Variants in SLC36A1 observed in about 807,000 individuals in gnomAD.
SLC36A1 encodes proton-coupled amino acid transporter 1.
In SLC36A1, 30 loss-of-function variants were observed where a neutral mutation model predicts 47.5. The ratio of observed to expected loss-of-function variants is 0.63; its 90% CI spans 0.47 to 0.86. The LOEUF is 0.86. Ranked by LOEUF, SLC36A1 falls within the 40% of genes least tolerant of loss-of-function variation. The pLI is 0.00. For missense variants in SLC36A1, 517 were observed against 606.0 expected (o/e 0.85, Z 1.54); for synonymous variants, 255 against 249.7 (o/e 1.02, Z -0.20).
chr5:151,491,009 G>A lies in SLC36A1; in HGVS notation c.*2755G>A, dbSNP rs1760069058. On this transcript the variant is annotated 3_prime_UTR_variant, in exon 11 of 11. Coordinates refer to ENST00000243389, the MANE Select transcript of SLC36A1 (RefSeq NM_078483.4). Reference sequence around the variant, plus strand: ...TGAGGCTGCATCTGCTGGAGCAAAGGGAAACCGTGGGCTTTTCCGGCCAGA... The same window carrying A: ...TGAGGCTGCATCTGCTGGAGCAAAGAGAAACCGTGGGCTTTTCCGGCCAGA... 6.6e-6 allele frequency: 1 copy of A among 152,318 alleles called. No homozygotes were observed. Among genetic ancestry groups the A allele is most frequent in the African/African-American group, 2.4e-5 (1 of 41,442 alleles). 9.4% of individuals were successfully genotyped at this position (152,318 alleles called of 1,614,324 possible).
At chr5:151,398,893 C>G in the SLC36A1 span, among the ~76,000 whole-genome samples, 1 of 151,890 alleles carries the variant, frequency 6.6e-6, no homozygotes, top group Non-Finnish European at 1.5e-5. Flanking sequence ...ATTATGATCA[C>G]TTTATTTTGA....
At chr5:151,370,802 G>C in the SLC36A1 span, among the ~76,000 whole-genome samples, 1 of 152,062 alleles carries the variant, frequency 6.6e-6, no homozygotes, top group African/African-American at 2.4e-5. Context: ...AGACCAGCCT[G>C]GCCAACATGG....
At chr5:151,390,624 T>C in the SLC36A1 span, among the ~76,000 whole-genome samples, 1 of 152,344 alleles carries the variant, frequency 6.6e-6, no homozygotes, top group Non-Finnish European at 1.5e-5. Context: ...TTTCTACATA[T>C]GGCTAGCCAG....
At chr5:151,468,266 A>ATATATATAT (rs1554113502) in intron 7 of SLC36A1, among the ~76,000 whole-genome samples, 1 of 63,828 alleles carries the variant, frequency 1.6e-5, no homozygotes, top group Non-Finnish European at 2.6e-5. Context: ...AAAAAAAAAA[A>ATATATATAT]ATATATATAT....
chr5:151,390,431 T>A, the SLC36A1 span, among the ~76,000 whole-genome samples: 2 of 152,230 alleles, frequency 1.3e-5, no homozygotes, highest in Non-Finnish European at 2.9e-5. Flanking sequence ...TTTGTCAATT[T>A]TGGCTTTTGT....
At chr5:151,345,140 A>G in the SLC36A1 span, among the ~76,000 whole-genome samples, 3 of 152,188 alleles carry the variant, frequency 2.0e-5, no homozygotes, top group Non-Finnish European at 4.4e-5. Context: ...CGGAATTACA[A>G]AACAACCTAT....
chr5:151,458,282 G>A (rs564192958), intron 1 of SLC36A1, among the ~76,000 whole-genome samples: 128 of 141,998 alleles, frequency 9.0e-4, no homozygotes, highest in African/African-American at 3.4e-3. Context: ...ATGTGTATAC[G>A]TGTATATATA....
intron 3 of SLC36A1, among the ~76,000 whole-genome samples, 161 bp downstream of exon 3, chr5:151,463,804 A>C (rs1755943107): frequency 6.6e-6 from 1 of 152,234 alleles, no homozygotes; most frequent in Admixed American, 6.5e-5. Context: ...ACTTAAAGAT[A>C]TTTATTGAGA....
upstream of SLC36A1, among the ~76,000 whole-genome samples, chr5:151,443,371 A>C (rs550755170): frequency 6.6e-6 from 1 of 152,258 alleles, no homozygotes; most frequent in South Asian, 2.1e-4. Flanking sequence ...CCTAACATGT[A>C]TGAGGTGATA....
the SLC36A1 span, chr5:151,521,573 C>T: frequency 1.2e-6 from 2 of 1,614,190 alleles, no homozygotes; most frequent in African/African-American, 1.3e-5. Context: ...ACGGCCTCTG[C>T]AGGCTGGAGG....
chr5:151,482,015 A>G (rs1487789098), intron 10 of SLC36A1, among the ~76,000 whole-genome samples: 3 of 152,142 alleles, frequency 2.0e-5, no homozygotes, highest in South Asian at 2.1e-4. Context: ...CATGTGAAAC[A>G]TTTTACTTCA....
chr5:151,478,174 A>T (rs1758329431), intron 9 of SLC36A1, among the ~76,000 whole-genome samples: 1 of 152,358 alleles, frequency 6.6e-6, no homozygotes, highest in African/African-American at 2.4e-5. Flanking sequence ...ATTCAACCAC[A>T]GAGAAACTCA....
chr5:151,544,246 A>C, the SLC36A1 span: 1 of 1,614,220 alleles, frequency 6.2e-7, no homozygotes, highest in South Asian at 1.1e-5. Flanking sequence ...AGAAGCCAAC[A>C]GTTGGATCAC....
the SLC36A1 span, among the ~76,000 whole-genome samples, chr5:151,385,479 A>G: frequency 5.9e-5 from 9 of 152,232 alleles, no homozygotes; most frequent in African/African-American, 2.2e-4. Context: ...AATGCCTTAG[A>G]GGGCTTCCAA....
At chr5:151,363,556 C>G in the SLC36A1 span, among the ~76,000 whole-genome samples, 1 of 152,084 alleles carries the variant, frequency 6.6e-6, no homozygotes, top group East Asian at 1.9e-4. Context: ...TTCAACACCA[C>G]CATTTTGGAA....
At chr5:151,440,275 G>A (rs1267955001) in intron 1 of SLC36A1, among the ~76,000 whole-genome samples, 2 of 152,182 alleles carry the variant, frequency 1.3e-5, no homozygotes, top group Non-Finnish European at 1.5e-5. Flanking sequence ...GGGCTGCCAC[G>A]AGGATTGACT....
the SLC36A1 span, among the ~76,000 whole-genome samples, chr5:151,373,249 A>G: frequency 2.0e-5 from 3 of 152,094 alleles, no homozygotes; most frequent in African/African-American, 4.8e-5. Context: ...CACAGGCAAC[A>G]TCATGAGACC....
chr5:151,345,190 C>T, the SLC36A1 span, among the ~76,000 whole-genome samples: 45 of 152,186 alleles, frequency 3.0e-4, no homozygotes, highest in Non-Finnish European at 6.0e-4. Context: ...TAAGTCAAGG[C>T]GAGCATGGGG....
At chr5:151,520,068 G>A in the SLC36A1 span, among the ~76,000 whole-genome samples, 1 of 152,226 alleles carries the variant, frequency 6.6e-6, no homozygotes, top group African/African-American at 2.4e-5. Context: ...ACACAGAGAA[G>A]GAAATCCTCT....
Sources: gnomAD v4.1 joint callset for allele counts (sites outside exome capture counted in the v4.1 genomes callset) on GRCh38, gnomAD v4.1.1 for gene constraint, MANE v1.5 for transcripts, NCBI Gene and HGNC (gene_info 2026-07-23, HGNC 2026-07-21) for gene names.